PRKG1: variants seen among roughly 807,000 people sequenced by gnomAD.
PRKG1 encodes the protein cGMP-dependent protein kinase 1.
In PRKG1, 35 loss-of-function variants were observed where a neutral mutation model predicts 88.1. That is an observed-to-expected ratio of 0.40 (90% CI 0.30 to 0.53). PRKG1 has a LOEUF of 0.53. Ranked by LOEUF, PRKG1 falls within the 20% of genes least tolerant of loss-of-function variation. The pLI, the probability that PRKG1 is intolerant of heterozygous loss-of-function variation, is 0.59. For missense variants in PRKG1, 540 were observed against 839.8 expected (o/e 0.64, Z 4.41); for synonymous variants, 303 against 292.5 (o/e 1.04, Z -0.37).
chr10:51,483,146 G>A (rs909787786), intron 3 of PRKG1, among the ~76,000 whole-genome samples: 30 of 151,134 alleles, frequency 2.0e-4, no homozygotes, highest in African/African-American at 5.6e-4. Flanking sequence ...TCAGCCTCCC[G>A]AGTAGCTGGG....
At chr10:52,039,340 T>C (rs1845698766) in intron 5 of PRKG1, among the ~76,000 whole-genome samples, 2 of 152,056 alleles carry the variant, frequency 1.3e-5, no homozygotes, top group Non-Finnish European at 1.5e-5. Flanking sequence ...GGGGTGCTTT[T>C]TGAGCCAGGA....
At chr10:51,221,868 T>TTTTC (rs1413373234) in intron 2 of PRKG1, among the ~76,000 whole-genome samples, 2 of 142,122 alleles carry the variant, frequency 1.4e-5, no homozygotes, top group Non-Finnish European at 3.0e-5. Flanking sequence ...CATATTTTTC[T>TTTTC]TTTCTTTCTT....
intron 3 of PRKG1, among the ~76,000 whole-genome samples, chr10:51,693,251 G>A (rs1841190792): frequency 7.4e-6 from 1 of 135,872 alleles, no homozygotes; most frequent in South Asian, 2.4e-4. Flanking sequence ...TTGTGCCACT[G>A]TACTCCAGCC....
At chr10:51,520,371 T>C (rs1841705274) in intron 3 of PRKG1, among the ~76,000 whole-genome samples, 2 of 150,116 alleles carry the variant, frequency 1.3e-5, no homozygotes, top group Admixed American at 1.3e-4. Context: ...TTATATAGGA[T>C]AATGAATGTA....
chr10:52,235,184 A>G, intron 9 of PRKG1, among the ~76,000 whole-genome samples: 2 of 104,750 alleles, frequency 1.9e-5, no homozygotes, highest in Non-Finnish European at 3.8e-5. Context: ...ATGGAAAGGA[A>G]CAACCGGTAC....
At chr10:51,686,538 T>G (rs1037028218) in intron 3 of PRKG1, among the ~76,000 whole-genome samples, 1 of 152,182 alleles carries the variant, frequency 6.6e-6, no homozygotes, top group Non-Finnish European at 1.5e-5. Flanking sequence ...AAAAACATGT[T>G]TATCTGAAAA....
At chr10:51,214,221 A>G (rs1838311784) in intron 2 of PRKG1, among the ~76,000 whole-genome samples, 1 of 152,190 alleles carries the variant, frequency 6.6e-6, no homozygotes, top group Admixed American at 6.5e-5. Flanking sequence ...CACATGTATG[A>G]TTCCTTAATA....
Position 51,213,985 on chromosome 10 carries a change from TAAACAA to T in PRKG1, c.478+60659_478+60664del, listed in dbSNP as rs544758000. Reference sequence around the variant, plus strand: ...TGGAATCAGATTCATCATTCTTACTTAAACAAAAAGAAAAAAACATATTTACATATT... The same window carrying T: ...TGGAATCAGATTCATCATTCTTACTTAAAGAAAAAAACATATTTACATATT... On this transcript the variant is annotated intron_variant, in intron 2 of 17. Coordinates refer to ENST00000373980, the MANE Select transcript of PRKG1 (RefSeq NM_006258.4). Among the ~76,000 whole-genome samples, 40 of 152,232 alleles carry T rather than the reference TAAACAA, an allele frequency of 2.6e-4. 1 individual carries two copies. In the East Asian group the frequency reaches 7.7e-3, roughly 29 times the overall value.
intron 1 of PRKG1, among the ~76,000 whole-genome samples, chr10:51,108,885 A>G (rs554439743): frequency 8.0e-4 from 122 of 152,310 alleles, no homozygotes; most frequent in African/African-American, 2.8e-3. Context: ...TATATAGAAA[A>G]GCTACTAGAA....
chr10:51,732,044 T>TTCCC (rs1842283260), intron 3 of PRKG1, among the ~76,000 whole-genome samples: 1 of 131,028 alleles, frequency 7.6e-6, no homozygotes, highest in Non-Finnish European at 1.6e-5. Context: ...CTTTCCTTCC[T>TTCCC]TCCTTCCTTC....
At chr10:51,640,251 A>T (rs1279100677) in intron 3 of PRKG1, among the ~76,000 whole-genome samples, 1 of 152,184 alleles carries the variant, frequency 6.6e-6, no homozygotes. Context: ...CATTACATGT[A>T]TTCAGGAGTA....
chr10:51,186,922 T>G (rs1432336862), intron 2 of PRKG1, among the ~76,000 whole-genome samples: 1 of 146,700 alleles, frequency 6.8e-6, no homozygotes, highest in Non-Finnish European at 1.5e-5. Flanking sequence ...GTTTCCTACT[T>G]CTGTTAAAAA....
chr10:51,074,922 G>A (rs758737826), intron 1 of PRKG1, 21 bp downstream of exon 1: 3 of 1,569,326 alleles, frequency 1.9e-6, no homozygotes, highest in Non-Finnish European at 2.6e-6. Context: ...GTGACGCGCC[G>A]GGTCCATGTG....
chr10:51,141,299 C>T (rs953021002), intron 1 of PRKG1, among the ~76,000 whole-genome samples: 3 of 152,206 alleles, frequency 2.0e-5, no homozygotes, highest in Non-Finnish European at 4.4e-5. Context: ...CTTGGCTTCA[C>T]GGCCTGCCTA....
At chr10:51,555,841 T>C (rs1185222019) in intron 3 of PRKG1, among the ~76,000 whole-genome samples, 4 of 151,970 alleles carry the variant, frequency 2.6e-5, no homozygotes, top group Non-Finnish European at 2.9e-5. Context: ...GTATGATGGA[T>C]GAGCAGGACT....
chr10:51,955,372 A>G (rs1843279641), intron 5 of PRKG1, among the ~76,000 whole-genome samples: 1 of 152,160 alleles, frequency 6.6e-6, no homozygotes, highest in South Asian at 2.1e-4. Flanking sequence ...ATTATTTCAT[A>G]GGTTGGTACA....
At chr10:52,164,356 ATAAG>A (rs1190607928) in intron 9 of PRKG1, among the ~76,000 whole-genome samples, 27 of 139,936 alleles carry the variant, frequency 1.9e-4, no homozygotes, top group South Asian at 2.3e-4. Flanking sequence ...TGTCTCAAAA[ATAAG>A]TAAGTAAATA....
chr10:51,520,374 T>C (rs1286099268), intron 3 of PRKG1, among the ~76,000 whole-genome samples: 1 of 150,222 alleles, frequency 6.7e-6, no homozygotes, highest in African/African-American at 2.4e-5. Context: ...TATAGGATAA[T>C]GAATGTAAAA....
chr10:52,222,109 C>T (rs1473233290), intron 9 of PRKG1, among the ~76,000 whole-genome samples: 2 of 152,178 alleles, frequency 1.3e-5, no homozygotes, highest in East Asian at 1.9e-4. Context: ...GCCTTGCTTC[C>T]GGTAAACACT....
Sources: allele counts gnomAD v4.1 joint callset (sites outside exome capture counted in the v4.1 genomes callset), GRCh38; gene constraint gnomAD v4.1.1; transcripts MANE v1.5; gene names NCBI Gene and HGNC (gene_info 2026-07-23, HGNC 2026-07-21).